GABRB1: variants seen among roughly 807,000 people sequenced by gnomAD.
GABRB1 encodes gamma-aminobutyric acid type A receptor subunit beta1.
Under a neutral mutation model 51.6 loss-of-function variants are expected in GABRB1, and 17 were observed. The observed-to-expected ratio is 0.33, with a 90% CI of 0.23 to 0.49. The LOEUF is 0.49. Among genes scored for constraint, GABRB1 ranks in the 20% least tolerant of loss-of-function variants. GABRB1 has a pLI of 0.99. For synonymous variants in GABRB1, 247 were observed against 218.9 expected, an observed-to-expected ratio of 1.13 and a Z score of -1.14; for missense variants, 410 against 600.6, an observed-to-expected ratio of 0.68 and a Z score of 3.32.
chr4:47,017,923 T>C (rs1392412905), intron 1 of GABRB1, among the ~76,000 whole-genome samples: 1 of 152,224 alleles, frequency 6.6e-6, no homozygotes, highest in Non-Finnish European at 1.5e-5. Context: ...ATTTGAATTA[T>C]TGACTTTTCT....
chr4:47,057,232 A>G (rs1285565650), intron 3 of GABRB1, among the ~76,000 whole-genome samples: 1 of 152,200 alleles, frequency 6.6e-6, no homozygotes, highest in Non-Finnish European at 1.5e-5. Context: ...GACCTCTCTC[A>G]TTGTGTCTCT....
Position 47,032,006 on chromosome 4 carries a change from G to A in GABRB1, c.172+1G>A. On this transcript the variant is annotated splice_donor_variant, in intron 2 of 8. Coordinates refer to ENST00000295454, the MANE Select transcript of GABRB1 (RefSeq NM_000812.4). LOFTEE classifies it high-confidence loss of function. Reference sequence around the variant, plus strand: ...ATTCGCTTGCGGCCGGACTTCGGAGGTAACGCTTCATCTTTTTTCAACCTG... The same window carrying A: ...ATTCGCTTGCGGCCGGACTTCGGAGATAACGCTTCATCTTTTTTCAACCTG... 1.2e-6 allele frequency: 2 copies of A among 1,603,226 alleles called. No homozygotes were observed. Among genetic ancestry groups the A allele is most frequent in the Non-Finnish European group, 8.5e-7 (1 of 1,175,282 alleles).
intron 5 of GABRB1, among the ~76,000 whole-genome samples, chr4:47,350,183 TTA>T (rs367708916): frequency 0.014 from 1,183 of 87,594 alleles, 13 homozygotes; most frequent in African/African-American, 0.024. Flanking sequence ...TGGGCTCAGA[TTA>T]TATATATATA....
chr4:47,370,232 T>C (rs1408428819), intron 5 of GABRB1, among the ~76,000 whole-genome samples: 3 of 152,228 alleles, frequency 2.0e-5, no homozygotes, highest in Non-Finnish European at 4.4e-5. Context: ...CTTATGCCTG[T>C]AATCTCAGCA....
Position 47,345,835 on chromosome 4 carries a change from T to C in GABRB1, c.544+25626T>C, listed in dbSNP as rs190405454. 1.5e-3 allele frequency among the ~76,000 whole-genome samples: 229 copies of C among 152,292 alleles called. 1 individual carries two copies. Among genetic ancestry groups the C allele is most frequent in the African/African-American group, 5.1e-3 (210 of 41,568 alleles). On this transcript the variant is annotated intron_variant, in intron 5 of 8. Transcript: ENST00000295454. ...GGGAAAAAAAGACCCTTCCAGCTCC[T>C]TCTGCTGTGATTTATTTTTTCTGCA...
chr4:47,064,402 A>T (rs1726973638), intron 3 of GABRB1, among the ~76,000 whole-genome samples: 1 of 152,158 alleles, frequency 6.6e-6, no homozygotes, highest in South Asian at 2.1e-4. Flanking sequence ...TGGGATGCTG[A>T]GGCCGATGGA....
intron 3 of GABRB1, among the ~76,000 whole-genome samples, chr4:47,125,913 C>T (rs146820075): frequency 1.3e-5 from 2 of 149,628 alleles, no homozygotes; most frequent in East Asian, 3.9e-4. Context: ...CTTGAGTGCT[C>T]ATCAACTGAT....
In GABRB1 at chr4:47,099,233, A is replaced by G. The variant is rs112931299; in HGVS notation, c.241-62016A>G. Among the ~76,000 whole-genome samples the G allele has an allele frequency of 4.4e-4, 67 of 152,280 alleles. 1 individual carries two copies. Among genetic ancestry groups the G allele is most frequent in the African/African-American group, 1.4e-3 (58 of 41,576 alleles). On this transcript the variant is annotated intron_variant, in intron 3 of 8. Coordinates refer to ENST00000295454, the MANE Select transcript of GABRB1 (RefSeq NM_000812.4). ...CATACATACCCACATCAAGACGGCA[A>G]AGAGTCACTGTATCAGCTGAGAAAT...
At chr4:47,066,046 T>A (rs548723034) in intron 3 of GABRB1, among the ~76,000 whole-genome samples, 3 of 152,294 alleles carry the variant, frequency 2.0e-5, no homozygotes, top group Admixed American at 1.3e-4. Context: ...ATAAGATGTA[T>A]GGGCCAGGGC....
chr4:47,131,608 C>G (rs991289434), intron 3 of GABRB1, among the ~76,000 whole-genome samples: 1 of 151,976 alleles, frequency 6.6e-6, no homozygotes, highest in Non-Finnish European at 1.5e-5. Context: ...TTCTGCAATG[C>G]TAGGGAGGCA....
chr4:47,347,977 A>T (rs1268115245), intron 5 of GABRB1, among the ~76,000 whole-genome samples: 1 of 152,238 alleles, frequency 6.6e-6, no homozygotes, highest in Non-Finnish European at 1.5e-5. Flanking sequence ...CATAAAAATC[A>T]TTGTTAATGA....
intron 4 of GABRB1, among the ~76,000 whole-genome samples, chr4:47,303,022 T>C (rs536976546): frequency 2.0e-5 from 3 of 152,094 alleles, no homozygotes; most frequent in East Asian, 1.9e-4. Flanking sequence ...ATGTTCTTTA[T>C]GAATACAGTG....
intron 3 of GABRB1, among the ~76,000 whole-genome samples, chr4:47,072,213 C>T (rs1727368417): frequency 6.6e-6 from 1 of 152,122 alleles, no homozygotes; most frequent in South Asian, 2.1e-4. Flanking sequence ...ATTATTATTA[C>T]ACTGCAGTGC....
chr4:47,201,187 A>C (rs1418113326), intron 4 of GABRB1, among the ~76,000 whole-genome samples: 3 of 152,178 alleles, frequency 2.0e-5, no homozygotes, highest in Non-Finnish European at 4.4e-5. Context: ...TTGAGGAACA[A>C]GGGAGACCAT....
At chr4:47,412,638 A>G (rs1728796776) in intron 8 of GABRB1, among the ~76,000 whole-genome samples, 1 of 152,148 alleles carries the variant, frequency 6.6e-6, no homozygotes, top group African/African-American at 2.4e-5. Context: ...TCTCAACGCC[A>G]AGGAAATCAA....
At chr4:47,187,401 C>T (rs1719225683) in intron 4 of GABRB1, among the ~76,000 whole-genome samples, 1 of 151,884 alleles carries the variant, frequency 6.6e-6, no homozygotes, top group Non-Finnish European at 1.5e-5. Flanking sequence ...CTCCCTCCCT[C>T]GTTGGAACCA....
intron 5 of GABRB1, among the ~76,000 whole-genome samples, chr4:47,398,579 C>CAG (rs1195313187): frequency 6.6e-5 from 10 of 151,354 alleles, no homozygotes; most frequent in Non-Finnish European, 1.0e-4. Flanking sequence ...GAGAGAGAGA[C>CAG]AGAGAGAGAG....
intron 1 of GABRB1, among the ~76,000 whole-genome samples, chr4:47,007,212 G>C (rs1188068170): frequency 6.6e-6 from 1 of 151,962 alleles, no homozygotes; most frequent in Non-Finnish European, 1.5e-5. Flanking sequence ...TTAAGGTGAA[G>C]TACACATCAT....
In GABRB1 at chr4:47,364,735, A is replaced by G. The variant is rs548278095; in HGVS notation, c.545-38583A>G. Among the ~76,000 whole-genome samples, 23 of 152,194 alleles carry G rather than the reference A, an allele frequency of 1.5e-4. No homozygotes were observed. In the East Asian group the frequency reaches 4.2e-3, roughly 28 times the overall value. On this transcript the variant is annotated intron_variant, in intron 5 of 8. Transcript: ENST00000295454. ...TAAAAAGCTGGAAACATGAAAGTTA[A>G]AGGAATGAAAGATAAAAGCTAAAAC...
Sources: allele counts gnomAD v4.1 joint callset (sites outside exome capture counted in the v4.1 genomes callset), GRCh38; gene constraint gnomAD v4.1.1; transcripts MANE v1.5; gene names NCBI Gene and HGNC (gene_info 2026-07-23, HGNC 2026-07-21).